B4GALT1: variants seen among roughly 807,000 people sequenced by gnomAD.
B4GALT1 encodes the protein N-acetyllactosamine synthase.
A neutral mutation model predicts 34.9 loss-of-function variants in B4GALT1; 16 were observed. The observed-to-expected ratio is 0.46, with a 90% CI of 0.31 to 0.70. B4GALT1 has a LOEUF of 0.70. Among genes scored for constraint, B4GALT1 ranks in the 30% least tolerant of loss-of-function variants. B4GALT1 has a pLI of 0.05. For missense variants in B4GALT1, 445 were observed against 530.5 expected, an observed-to-expected ratio of 0.84 and a Z score of 1.58; for synonymous variants, 221 against 218.1, an observed-to-expected ratio of 1.01 and a Z score of -0.12.
intron 2 of B4GALT1, among the ~76,000 whole-genome samples, chr9:33,129,591 T>C (rs1840163457): frequency 2.6e-5 from 4 of 152,192 alleles, no homozygotes; most frequent in African/African-American, 9.7e-5. Flanking sequence ...ACTGACTATG[T>C]ACCAGCTGTG....
chr9:33,141,241 A>G (rs1477857123), intron 1 of B4GALT1, among the ~76,000 whole-genome samples: 1 of 152,134 alleles, frequency 6.6e-6, no homozygotes. Context: ...ATGGTGGCTC[A>G]TGTCTGTAAT....
intron 3 of B4GALT1, among the ~76,000 whole-genome samples, chr9:33,119,884 A>G (rs1441489816): frequency 1.3e-5 from 2 of 152,176 alleles, no homozygotes; most frequent in East Asian, 3.9e-4. Flanking sequence ...CCCCTCCCAA[A>G]TGCTAAAAAC....
At position 33,144,166 on chromosome 9, in the gene B4GALT1, G is replaced by A. The variant is rs543093764; in HGVS notation, c.413-8742C>T. ...CCCAAAGTGTTGGGATTACAGGCAT[G>A]AGCCACTGTGCCTGACTAAATATCT... On this transcript the variant is annotated intron_variant, in intron 1 of 5. Transcript: ENST00000379731. 3.9e-5 allele frequency among the ~76,000 whole-genome samples: 6 copies of A among 152,282 alleles called. No homozygotes were observed. The East Asian group carries it at 9.6e-4, about 24-fold the overall frequency.
At chr9:33,169,433 T>C (rs1236652340), upstream of B4GALT1, among the ~76,000 whole-genome samples, 5 of 152,212 alleles carry the variant, frequency 3.3e-5, no homozygotes, top group Non-Finnish European at 5.9e-5. Flanking sequence ...AATTCAGGTC[T>C]CTTAAATGTC....
At position 33,161,877 on chromosome 9, in the gene B4GALT1, G is replaced by A. The variant is rs542824959; in HGVS notation, c.412+4881C>T. Among the ~76,000 whole-genome samples the A allele has an allele frequency of 1.8e-4, 27 of 152,264 alleles. 2 individuals carry two copies. In the South Asian group the frequency reaches 5.2e-3, roughly 29 times the overall value. ...AGGCACTGGGTAAACAGATAGCAGG[G>A]AAATCAGCAGGTATGACTACTGAAT... On this transcript the variant is annotated intron_variant, in intron 1 of 5. Transcript: ENST00000379731.
the B4GALT1 span, chr9:33,178,954 C>T: frequency 6.6e-6 from 1 of 152,148 alleles, no homozygotes; most frequent in African/African-American, 2.4e-5. Flanking sequence ...TGCAGGTTGG[C>T]TAGGTTAGTC....
chr9:33,113,287 A>T lies in B4GALT1; in HGVS notation c.*167T>A. The T allele has an allele frequency of 9.7e-7, 1 of 1,034,514 alleles. No individual in the cohort carries two copies. Among genetic ancestry groups the T allele is most frequent in the Non-Finnish European group, 1.5e-6 (1 of 681,096 alleles). The allele number at this position is 1,034,514 out of a possible 1,614,324, so 64.1% of individuals were successfully genotyped here. Reference sequence around the variant, plus strand: ...TCACATGCCGAGCCAAGTTGGGGGCAAAATATCCCACTCGTCCTGGTCATC... The same window carrying T: ...TCACATGCCGAGCCAAGTTGGGGGCTAAATATCCCACTCGTCCTGGTCATC... On this transcript the variant is annotated 3_prime_UTR_variant, in exon 6 of 6. Coordinates refer to ENST00000379731, the MANE Select transcript of B4GALT1 (RefSeq NM_001497.4).
At chr9:33,149,425 T>C (rs986669529) in intron 1 of B4GALT1, among the ~76,000 whole-genome samples, 3 of 151,968 alleles carry the variant, frequency 2.0e-5, no homozygotes, top group South Asian at 4.2e-4. Context: ...GAACTACAAA[T>C]GCGCCACCAC....
chr9:33,182,526 T>C, the B4GALT1 span, among the ~76,000 whole-genome samples: 4 of 152,188 alleles, frequency 2.6e-5, no homozygotes, highest in East Asian at 3.9e-4. Context: ...AGACTCCCCC[T>C]GGACTGACCA....
Position 33,113,113 on chromosome 9 carries a change from C to T in B4GALT1, c.*341G>A, listed in dbSNP as rs1204339561. The T allele has an allele frequency of 3.1e-6, 1 of 318,330 alleles. No individual in the cohort carries two copies. Among genetic ancestry groups the T allele is most frequent in the Non-Finnish European group, 6.0e-6 (1 of 166,822 alleles). The allele number at this position is 318,330 out of a possible 1,614,324, so 19.7% of individuals were successfully genotyped here. Reference sequence around the variant, plus strand: ...ACCATAATTTAAAGAAAAATTCTAACCTATTTCACGACAATTTAGCAATTC... The same window carrying T: ...ACCATAATTTAAAGAAAAATTCTAATCTATTTCACGACAATTTAGCAATTC... On this transcript the variant is annotated 3_prime_UTR_variant, in exon 6 of 6. Transcript: ENST00000379731.
In B4GALT1 at chr9:33,131,961, T is replaced by C. The variant is rs188812934; in HGVS notation, c.648+3228A>G. On this transcript the variant is annotated intron_variant, in intron 2 of 5. Coordinates refer to ENST00000379731, the MANE Select transcript of B4GALT1 (RefSeq NM_001497.4). ...CATTTCTCAACTTAGTTATCTGGAC[T>C]CTGACCATATTTTCCCAAAATGATC... Among the ~76,000 whole-genome samples, 278 of 152,296 alleles carry C rather than the reference T, an allele frequency of 1.8e-3. 1 individual carries two copies. The highest frequency in any genetic ancestry group is 6.4e-3 in the African/African-American group (265 of 41,552).
At chr9:33,133,698 G>A (rs577239231) in intron 2 of B4GALT1, among the ~76,000 whole-genome samples, 10 of 152,262 alleles carry the variant, frequency 6.6e-5, no homozygotes, top group African/African-American at 2.2e-4. Context: ...TCACTTGGCC[G>A]AAGAATTCAA....
chr9:33,175,021 A>ATATATATATATATATATATATATATATAT, the B4GALT1 span, among the ~76,000 whole-genome samples: 1 of 58,688 alleles, frequency 1.7e-5, no homozygotes, highest in African/African-American at 5.1e-5. Flanking sequence ...ATATATATAT[A>ATATATATATATATATATATATATATATAT]AAATTGGAGG....
chr9:33,182,700 C>G, the B4GALT1 span, among the ~76,000 whole-genome samples: 13 of 152,206 alleles, frequency 8.5e-5, no homozygotes, highest in African/African-American at 3.1e-4. Context: ...CTCCAAAAGT[C>G]TCTGACAAGG....
At chr9:33,159,838 C>T (rs1389548413) in intron 1 of B4GALT1, among the ~76,000 whole-genome samples, 1 of 152,228 alleles carries the variant, frequency 6.6e-6, no homozygotes, top group Non-Finnish European at 1.5e-5. Context: ...ACCACAGCCC[C>T]AGAGCCACAG....
At chr9:33,141,222 A>C (rs1177189160) in intron 1 of B4GALT1, among the ~76,000 whole-genome samples, 1 of 152,084 alleles carries the variant, frequency 6.6e-6, no homozygotes, top group Admixed American at 6.5e-5. Context: ...GAGGTCTTTG[A>C]GGCTGGGCAT....
chr9:33,121,395 C>T (rs1408516036), intron 2 of B4GALT1, among the ~76,000 whole-genome samples: 2 of 152,184 alleles, frequency 1.3e-5, no homozygotes, highest in Non-Finnish European at 1.5e-5. Flanking sequence ...TGGAGTCTTG[C>T]TTCATCACTG....
At chr9:33,115,884 G>A in intron 4 of B4GALT1, 107 bp downstream of exon 4, 2 of 1,413,304 alleles carry the variant, frequency 1.4e-6, no homozygotes, top group South Asian at 2.3e-5. Context: ...GCTGACTAGG[G>A]GTGCATCCCA....
intron 2 of B4GALT1, among the ~76,000 whole-genome samples, chr9:33,126,662 A>ATTGTTAACCTTGTTAACTATGGTTAACC: frequency 2.2e-5 from 1 of 45,222 alleles, no homozygotes; most frequent in Non-Finnish European, 5.9e-5. Context: ...TAACCATAGC[A>ATTGTTAACCTTGTTAACTATGGTTAACC]ATATGGTAGC....
Sources: gnomAD v4.1 joint callset for allele counts (sites outside exome capture counted in the v4.1 genomes callset) on GRCh38, gnomAD v4.1.1 for gene constraint, MANE v1.5 for transcripts, NCBI Gene and HGNC (gene_info 2026-07-23, HGNC 2026-07-21) for gene names.